FLNB: variants seen among roughly 807,000 people sequenced by gnomAD.
FLNB encodes the protein filamin B, also known as filamin-B.
A neutral mutation model predicts 250.6 loss-of-function variants in FLNB; 111 were observed. The observed-to-expected ratio is 0.44, with a 90% CI of 0.38 to 0.52. The LOEUF (loss-of-function observed/expected upper bound fraction) is 0.52, where lower values mean the gene tolerates loss of function less well. Ranked by LOEUF, FLNB falls within the 20% of genes least tolerant of loss-of-function variation. The probability of loss-of-function intolerance (pLI) is 0.00; values close to 1 mark genes in which losing one functional copy is unlikely to be tolerated. For missense variants in FLNB, 2,869 were observed against 3,447.8 expected (o/e 0.83, Z 4.20); for synonymous variants, 1,302 against 1,372.1 (o/e 0.95, Z 1.13).
intron 1 of FLNB, among the ~76,000 whole-genome samples, chr3:58,045,915 C>G (rs1455150202): frequency 1.3e-5 from 2 of 150,446 alleles, no homozygotes; most frequent in African/African-American, 4.9e-5. Flanking sequence ...CAGGATAATC[C>G]CTTGAACCCA....
chr3:58,023,420 A>T (rs1213535718), intron 1 of FLNB, among the ~76,000 whole-genome samples: 1 of 152,182 alleles, frequency 6.6e-6, no homozygotes, highest in Non-Finnish European at 1.5e-5. Flanking sequence ...TGGAGCATTA[A>T]AAAGTTACAT....
At position 58,046,710 on chromosome 3, in the gene FLNB, A is replaced by C. The variant is rs12639419; in HGVS notation, c.293-30336A>C. On this transcript the variant is annotated intron_variant, in intron 1 of 45. Transcript: ENST00000295956. ...TGGCCTCCCAAAGTGTTGGGATTAC[A>C]GGTGTGAGCCACTGTGCCTGGCCAA... Among the ~76,000 whole-genome samples, 15 of 152,320 alleles carry C rather than the reference A, an allele frequency of 9.8e-5. No homozygotes were observed. In the East Asian group the frequency reaches 2.7e-3, roughly 27 times the overall value.
intron 1 of FLNB, among the ~76,000 whole-genome samples, chr3:58,040,157 G>A (rs2097143994): frequency 1.3e-5 from 2 of 152,142 alleles, no homozygotes; most frequent in Admixed American, 6.5e-5. Context: ...AAGCAAGCCA[G>A]ATCTTTGGGG....
chr3:58,143,742 C>G, intron 32 of FLNB, 129 bp downstream of exon 32: 2 of 1,103,108 alleles, frequency 1.8e-6, no homozygotes, highest in Non-Finnish European at 2.7e-6. Context: ...CGTTGGTACC[C>G]CTGTGAAACC....
chr3:58,096,155 T>A lies in FLNB; in HGVS notation c.921T>A (p.Pro307=). Residue 307 remains proline (P), a synonymous_variant, in exon 6 of 46, where the codon CCT becomes CCA. Coordinates refer to ENST00000295956, the MANE Select transcript of FLNB (RefSeq NM_001457.4). ...TTCCCTCCTAGGCACAAGTGACCCC[T>A]GACAGTGACAAGAACAAGACATACT... ...EGNKEEAQVT[P]DSDKNKTYSV... is the part of the protein sequence containing the mutation. The A allele has an allele frequency of 6.2e-7, 1 of 1,613,860 alleles. No homozygotes were observed.
chr3:58,106,461 C>A (rs1248340160), intron 11 of FLNB, among the ~76,000 whole-genome samples: 2 of 149,062 alleles, frequency 1.3e-5, no homozygotes, highest in African/African-American at 4.9e-5. Flanking sequence ...CCAGCCCAGG[C>A]CTACATTTGA....
rs1390286258 is a variant in FLNB at position 58,130,887 on chromosome 3, G to A, written c.4369G>A (p.Val1457Met). The A allele has an allele frequency of 6.2e-7, 1 of 1,612,260 alleles. No homozygotes were observed. The highest frequency in any genetic ancestry group is 8.5e-7 in the Non-Finnish European group (1 of 1,179,568). Reference sequence around the variant, plus strand: ...CAAGGCTGGCCTGGCTCCGCTGGAAGTGAGGGTTCTGGGCCCACGAGGTAA... The same window carrying A: ...CAAGGCTGGCCTGGCTCCGCTGGAAATGAGGGTTCTGGGCCCACGAGGTAA... ...SSKAGLAPLE[V>M]RVLGPRGLVE... Residue 1457 changes from valine to methionine, a missense_variant, in exon 25 of 46, where the codon GTG becomes ATG. Val to Met is a conservative substitution (Grantham distance 21). Around this residue, in one of 5 missense-constraint regions of FLNB, gnomAD observed 1,348 missense variants for 1,466.7 expected, o/e 0.92. Coordinates refer to ENST00000295956, the MANE Select transcript of FLNB (RefSeq NM_001457.4).
chr3:58,034,511 A>C (rs555659317), intron 1 of FLNB, among the ~76,000 whole-genome samples: 107 of 152,142 alleles, frequency 7.0e-4, no homozygotes, highest in Non-Finnish European at 1.3e-3. Context: ...TACACCAAGT[A>C]TCGCACTTCA....
intron 1 of FLNB, 147 bp downstream of exon 1, chr3:58,009,003 C>T: frequency 1.1e-6 from 1 of 890,878 alleles, no homozygotes; most frequent in Non-Finnish European, 1.8e-6. Context: ...TATAGGGGGC[C>T]TAGACCCCCT....
chr3:58,165,072 C>A (rs1295451271), intron 43 of FLNB: 1 of 152,336 alleles, frequency 6.6e-6, no homozygotes, highest in South Asian at 2.1e-4. Context: ...TGGGCCCTGA[C>A]AAGGTACTCA....
chr3:58,008,909 C>A, intron 1 of FLNB, 53 bp downstream of exon 1: 1 of 1,601,556 alleles, frequency 6.2e-7, no homozygotes, highest in Non-Finnish European at 8.5e-7. Flanking sequence ...CCCGCCCCCG[C>A]GCGTGCACCC....
At chr3:58,135,886 TAG>T in intron 27 of FLNB, 91 bp from the exon 28 acceptor site, 1 of 1,279,834 alleles carries the variant, frequency 7.8e-7, no homozygotes. Flanking sequence ...CTGTTTCCAC[TAG>T]AGGCACTAAT....
At position 58,025,153 on chromosome 3, in the gene FLNB, A is replaced by G. The variant is rs2106732461; in HGVS notation, c.292+16297A>G. On this transcript the variant is annotated intron_variant, in intron 1 of 45. Coordinates refer to ENST00000295956, the MANE Select transcript of FLNB (RefSeq NM_001457.4). ...TCTTTCTTTTTTTTTTTTTTGAGAT[A>G]GGATCTCATTCTGTGGCAAAGGCTG... Among the ~76,000 whole-genome samples the G allele has an allele frequency of 2.3e-5, 2 of 88,822 alleles. 1 individual carries two copies. 58.3% of individuals were successfully genotyped at this position (88,822 alleles called of 152,430 possible).
At chr3:58,121,594 T>A in intron 20 of FLNB, 91 bp downstream of exon 20, 1 of 1,544,510 alleles carries the variant, frequency 6.5e-7, no homozygotes, top group Non-Finnish European at 8.9e-7. Flanking sequence ...AAAGACCTTC[T>A]GAAAATCGTT....
chr3:58,018,228 C>T (rs923618977), intron 1 of FLNB, among the ~76,000 whole-genome samples: 5 of 150,912 alleles, frequency 3.3e-5, no homozygotes, highest in Admixed American at 1.3e-4. Flanking sequence ...GAACTTTTAT[C>T]GGAAGAAGGT....
At chr3:58,162,989 G>C (rs1339348452) in intron 42 of FLNB, 165 bp from the exon 43 acceptor site, 10 of 703,984 alleles carry the variant, frequency 1.4e-5, no homozygotes, top group Non-Finnish European at 2.5e-5. Context: ...GGGATACCCA[G>C]GGGGTCTGTC....
chr3:58,018,660 C>T (rs563788513), intron 1 of FLNB, among the ~76,000 whole-genome samples: 9 of 152,020 alleles, frequency 5.9e-5, no homozygotes, highest in Admixed American at 2.6e-4. Flanking sequence ...GGATTACAGG[C>T]GCCTTGGCAC....
intron 9 of FLNB, among the ~76,000 whole-genome samples, chr3:58,103,029 C>T (rs887569178): frequency 3.9e-5 from 6 of 152,118 alleles, no homozygotes; most frequent in Non-Finnish European, 5.9e-5. Flanking sequence ...GGTTTTACTC[C>T]CATGCCTGTG....
chr3:58,023,111 CTTTTTTTTT>C (rs61047967), intron 1 of FLNB, among the ~76,000 whole-genome samples: 1 of 97,408 alleles, frequency 1.0e-5, no homozygotes, highest in Non-Finnish European at 1.9e-5. Context: ...CGAACTCGGC[CTTTTTTTTT>C]TTTTTTTTTG....
Sources: allele counts gnomAD v4.1 joint callset (sites outside exome capture counted in the v4.1 genomes callset), GRCh38; gene constraint gnomAD v4.1.1; regional missense constraint gnomAD v4.1.1; transcripts MANE v1.5; gene names NCBI Gene and HGNC (gene_info 2026-07-23, HGNC 2026-07-21).